SND1: variants seen among roughly 807,000 people sequenced by gnomAD.
SND1 encodes the protein staphylococcal nuclease domain-containing protein 1.
SND1 carries 38 observed loss-of-function variants against 121.7 expected under a neutral mutation model. The observed-to-expected ratio is 0.31, with a 90% CI of 0.24 to 0.41. The LOEUF (loss-of-function observed/expected upper bound fraction) is 0.41, where lower values mean the gene tolerates loss of function less well. SND1 is among the 10% of genes least tolerant of loss of function. The pLI is 1.00. For missense variants in SND1, 868 were observed against 1,184.6 expected (o/e 0.73, Z 3.92); for synonymous variants, 401 against 447.4 (o/e 0.90, Z 1.31).
At chr7:127,750,661 C>G (rs1797073440) in intron 10 of SND1, among the ~76,000 whole-genome samples, 1 of 152,090 alleles carries the variant, frequency 6.6e-6, no homozygotes, top group Non-Finnish European at 1.5e-5. Flanking sequence ...ATCCAAAAAT[C>G]TGAAATGTTT....
chr7:127,937,734 A>C (rs1217368821), intron 15 of SND1, among the ~76,000 whole-genome samples: 1 of 152,242 alleles, frequency 6.6e-6, no homozygotes, highest in African/African-American at 2.4e-5. Context: ...TCAATAGACC[A>C]AAAACTTCTA....
intron 2 of SND1, among the ~76,000 whole-genome samples, chr7:127,691,080 C>T (rs1300582853): frequency 6.6e-6 from 1 of 152,078 alleles, no homozygotes; most frequent in African/African-American, 2.4e-5. Flanking sequence ...ATATTTATTT[C>T]CCACAGAATT....
At chr7:127,887,267 G>A (rs1041710646) in intron 12 of SND1, among the ~76,000 whole-genome samples, 1 of 152,044 alleles carries the variant, frequency 6.6e-6, no homozygotes, top group Non-Finnish European at 1.5e-5. Flanking sequence ...AAAGTGTTGG[G>A]ATCATAGGCA....
intron 16 of SND1, among the ~76,000 whole-genome samples, chr7:128,056,180 C>G (rs909672741): frequency 1.3e-5 from 2 of 152,226 alleles, no homozygotes; most frequent in Admixed American, 6.5e-5. Context: ...CTTCCTCTTC[C>G]CTGTAACAAG....
intron 16 of SND1, among the ~76,000 whole-genome samples, chr7:128,069,894 G>A (rs938164709): frequency 6.6e-6 from 1 of 152,174 alleles, no homozygotes; most frequent in African/African-American, 2.4e-5. Flanking sequence ...CAAAGGGAGG[G>A]TGAACCCATA....
At chr7:128,042,164 A>G (rs1187328609) in intron 16 of SND1, 1 of 152,212 alleles carries the variant, frequency 6.6e-6, no homozygotes, top group African/African-American at 2.4e-5. Context: ...AAACCCTGAA[A>G]AAAAACCCTG....
At chr7:127,808,012 C>G (rs927464028) in intron 11 of SND1, among the ~76,000 whole-genome samples, 2 of 152,020 alleles carry the variant, frequency 1.3e-5, no homozygotes, top group African/African-American at 2.4e-5. Flanking sequence ...GGACTAAGAG[C>G]ACGCCTATTG....
chr7:127,666,808 C>T (rs913808568), intron 1 of SND1, among the ~76,000 whole-genome samples: 2 of 152,036 alleles, frequency 1.3e-5, no homozygotes, highest in East Asian at 3.9e-4. Flanking sequence ...TGACAGAGGG[C>T]GGGAAGGGCC....
At chr7:127,687,473 T>C (rs2116308721) in intron 2 of SND1, among the ~76,000 whole-genome samples, 1 of 152,256 alleles carries the variant, frequency 6.6e-6, no homozygotes, top group East Asian at 1.9e-4. Context: ...CCTCACTCCT[T>C]CTCCCCTTTT....
chr7:127,994,575 A>C (rs955053487), intron 16 of SND1, among the ~76,000 whole-genome samples: 4 of 148,184 alleles, frequency 2.7e-5, no homozygotes, highest in East Asian at 2.0e-4. Flanking sequence ...AAAAAAAAAA[A>C]AAAAAAAAAA....
chr7:127,800,202 C>T (rs1159618343), intron 10 of SND1, among the ~76,000 whole-genome samples: 1 of 152,184 alleles, frequency 6.6e-6, no homozygotes. Context: ...GGCAGGGCAA[C>T]TGGGACTGGT....
intron 20 of SND1, chr7:128,086,539 A>T (rs1793690730): frequency 3.3e-6 from 1 of 298,548 alleles, no homozygotes; most frequent in Non-Finnish European, 6.5e-6. Context: ...GACCACAGGG[A>T]TACTTGTCTT....
chr7:127,964,458 C>G (rs888206635), intron 15 of SND1, among the ~76,000 whole-genome samples: 14 of 150,282 alleles, frequency 9.3e-5, no homozygotes, highest in African/African-American at 2.9e-4. Context: ...GATCCAGTTT[C>G]AGCTTTCTAC....
chr7:127,917,335 C>T (rs1244006299), intron 14 of SND1, among the ~76,000 whole-genome samples: 1 of 152,128 alleles, frequency 6.6e-6, no homozygotes, highest in East Asian at 1.9e-4. Context: ...AAAGTAGTTT[C>T]ATTATTGTTT....
At chr7:127,791,047 T>C (rs1797901137) in intron 10 of SND1, among the ~76,000 whole-genome samples, 1 of 152,136 alleles carries the variant, frequency 6.6e-6, no homozygotes, top group Non-Finnish European at 1.5e-5. Flanking sequence ...AACATTTTTA[T>C]ATTAATGTGG....
intron 16 of SND1, among the ~76,000 whole-genome samples, chr7:128,023,883 G>A (rs1391391575): frequency 1.3e-5 from 2 of 152,112 alleles, no homozygotes; most frequent in East Asian, 1.9e-4. Flanking sequence ...AATTATATAT[G>A]TAAAATTTCA....
At chr7:127,726,371 C>G (rs907357379) in intron 10 of SND1, among the ~76,000 whole-genome samples, 2 of 152,198 alleles carry the variant, frequency 1.3e-5, no homozygotes, top group Non-Finnish European at 2.9e-5. Context: ...AGTGTCAACC[C>G]GTAGGAGACG....
intron 11 of SND1, among the ~76,000 whole-genome samples, chr7:127,822,684 T>A (rs1049571186): frequency 6.6e-6 from 1 of 152,234 alleles, no homozygotes; most frequent in Non-Finnish European, 1.5e-5. Context: ...AATCCTTTTT[T>A]AAATGCACTT....
chr7:127,774,343 A>G (rs1273198532), intron 10 of SND1, among the ~76,000 whole-genome samples: 3 of 152,224 alleles, frequency 2.0e-5, no homozygotes, highest in East Asian at 3.8e-4. Context: ...AAAGTAAAAA[A>G]GTTATAGTAA....
Sources: gnomAD v4.1 joint callset for allele counts (sites outside exome capture counted in the v4.1 genomes callset) on GRCh38, gnomAD v4.1.1 for gene constraint, MANE v1.5 for transcripts, NCBI Gene and HGNC (gene_info 2026-07-23, HGNC 2026-07-21) for gene names.